The following MACF1 variants were observed in gnomAD, a reference collection of about 807,000 sequenced individuals.
MACF1 encodes microtubule actin crosslinking factor 1, also known as microtubule-actin cross-linking factor 1.
A neutral mutation model predicts 854.8 loss-of-function variants in MACF1; 193 were observed. The ratio of observed to expected loss-of-function variants is 0.23; its 90% CI spans 0.20 to 0.25. The LOEUF (loss-of-function observed/expected upper bound fraction) is 0.25, where lower values mean the gene tolerates loss of function less well. MACF1 is among the 10% of genes least tolerant of loss of function. MACF1 has a pLI of 1.00. For synonymous variants in MACF1, 3,185 were observed against 3,226.7 expected, an observed-to-expected ratio of 0.99 and a Z score of 0.44; for missense variants, 7,722 against 8,929.1, an observed-to-expected ratio of 0.86 and a Z score of 5.45.
At chr1:39,184,288 G>A (rs754728512) in intron 2 of MACF1, among the ~76,000 whole-genome samples, 5 of 152,128 alleles carry the variant, frequency 3.3e-5, no homozygotes, top group Non-Finnish European at 4.4e-5. Flanking sequence ...TTCCTGCACT[G>A]TGTGCCTCAG....
intron 2 of MACF1, among the ~76,000 whole-genome samples, chr1:39,164,246 C>T (rs1399114223): frequency 6.6e-6 from 1 of 152,152 alleles, no homozygotes; most frequent in African/African-American, 2.4e-5. Context: ...TGGATTTCCA[C>T]AAGTGGAATC....
chr1:39,171,251 C>T (rs1006957406), intron 2 of MACF1, among the ~76,000 whole-genome samples: 1 of 150,454 alleles, frequency 6.6e-6, no homozygotes, highest in African/African-American at 2.4e-5. Flanking sequence ...ATTTTTCTCC[C>T]GATCCAGTTT....
In MACF1 at chr1:39,292,012, A is replaced by G. The variant is rs1279344772; in HGVS notation, c.1888A>G (p.Ser630Gly). The change falls in exon 16 of 101, where the codon AGT becomes GGT. Residue 630 changes from serine to glycine, a missense_variant. Transcript: ENST00000564288. ...IHTSVEELGS[S>G]VKEARLYEGK... Reference sequence around the variant, plus strand: ...TACGAGTGTAGAAGAGCTGGGCTCAAGTGTCAAGGAGGCCAGGTTGTATGA... The same window carrying G: ...TACGAGTGTAGAAGAGCTGGGCTCAGGTGTCAAGGAGGCCAGGTTGTATGA... 1 of 1,614,088 alleles carries G rather than the reference A, an allele frequency of 6.2e-7. No individual in the cohort carries two copies. Among genetic ancestry groups the G allele is most frequent in the South Asian group, 1.1e-5 (1 of 91,082 alleles).
rs760643993 is a variant in MACF1 at position 39,358,819 on chromosome 1, A to G, written c.12066A>G (p.Ser4022=). The G allele has an allele frequency of 5.0e-6, 8 of 1,613,516 alleles. No homozygotes were observed. Among genetic ancestry groups the G allele is most frequent in the Non-Finnish European group, 6.8e-6 (8 of 1,179,920 alleles). Residue 4022 remains serine, a synonymous_variant, in exon 46 of 101, where the codon TCA becomes TCG. Coordinates refer to ENST00000564288, the MANE Select transcript of MACF1 (RefSeq NM_001394062.1). ...ACEANVEKLL[S]DTVASDPGVL... is the part of the protein sequence containing the mutation. The stretch of plus-strand genomic sequence containing the variant: ...AGGCCAACGTGGAGAAGCTCCTCTC[A>G]GATACTGTTGCCTCTGACCCTGGAG...
At chr1:39,142,998 G>A (rs1044138110) in intron 2 of MACF1, among the ~76,000 whole-genome samples, 2 of 152,186 alleles carry the variant, frequency 1.3e-5, no homozygotes, top group African/African-American at 2.4e-5. Context: ...GTGAGCAAAG[G>A]AAGGCGGTGA....
intron 2 of MACF1, among the ~76,000 whole-genome samples, chr1:39,153,566 G>A (rs1386453862): frequency 1.3e-5 from 2 of 152,210 alleles, no homozygotes; most frequent in Non-Finnish European, 2.9e-5. Flanking sequence ...TTGTTGGGCC[G>A]TGAAGCATAG....
intron 46 of MACF1, 116 bp downstream of exon 46, chr1:39,358,989 G>C (rs1387243864): frequency 7.1e-7 from 1 of 1,415,536 alleles, no homozygotes; most frequent in Admixed American, 2.3e-5. Flanking sequence ...GGATGCCTTG[G>C]ACAAGATCTG....
chr1:39,128,162 C>A (rs1642909038), intron 2 of MACF1, among the ~76,000 whole-genome samples: 1 of 151,974 alleles, frequency 6.6e-6, no homozygotes, highest in Admixed American at 6.6e-5. Context: ...GACTCATGAG[C>A]CTTACCTCTT....
chr1:39,182,983 A>G (rs920853693), intron 2 of MACF1, among the ~76,000 whole-genome samples: 1 of 152,234 alleles, frequency 6.6e-6, no homozygotes, highest in Admixed American at 6.5e-5. Context: ...ATGGATAAAC[A>G]CACTGTGGCA....
chr1:39,427,714 G>T, intron 62 of MACF1, 100 bp downstream of exon 62: 2 of 1,260,300 alleles, frequency 1.6e-6, no homozygotes, highest in Non-Finnish European at 2.2e-6. Context: ...GTGTTTTGTG[G>T]GTTTAACTTA....
At chr1:39,270,094 T>C (rs895731031) in intron 6 of MACF1, among the ~76,000 whole-genome samples, 1 of 152,188 alleles carries the variant, frequency 6.6e-6, no homozygotes, top group South Asian at 2.1e-4. Context: ...AGGGCCTAAC[T>C]GAATCTCTGG....
rs566064791 is a variant in MACF1, at chr1:39,289,294, G to C, written c.1785+1732G>C. ...GGATCATACAGTAGCTCTATTGTTA[G>C]TGATTTGAGGAACCTCCAAACTGTT... On this transcript the variant is annotated intron_variant, in intron 15 of 100. Transcript: ENST00000564288. 1.1e-3 allele frequency among the ~76,000 whole-genome samples: 171 copies of C among 152,286 alleles called. 1 individual carries two copies. In the South Asian group the frequency reaches 0.013, roughly 11 times the overall value.
In MACF1 at chr1:39,444,627, C is replaced by T. The variant is rs148361821; in HGVS notation, c.19432-35C>T. On this transcript the variant is annotated intron_variant, in intron 79 of 100. Transcript: ENST00000564288. ...ATATGTAGGTGTCTTCCAGAGAATT[C>T]GTAGAATTGATATCTTTCCTGCCTT... 4.4e-4 allele frequency: 687 copies of T among 1,577,582 alleles called. 1 individual carries two copies. Among genetic ancestry groups the T allele is most frequent in the Non-Finnish European group, 5.7e-4 (660 of 1,155,806 alleles).
rs773953982 is a variant in MACF1, at chr1:39,317,318, A to G, written c.3693A>G (p.Pro1231=). ...CAGAGCAGATGAGTCGTCTGACACCAGAGCGAAATCTGGATTTGGAGCGCT... is the reference window on the plus strand; with the variant it reads ...CAGAGCAGATGAGTCGTCTGACACCGGAGCGAAATCTGGATTTGGAGCGCT... ...VVAEQMSRLT[P]ERNLDLERYQ... is the part of the protein sequence containing the mutation. Residue 1231 remains proline (P), a synonymous_variant, in exon 29 of 101, where the codon CCA becomes CCG. Coordinates refer to ENST00000564288, the MANE Select transcript of MACF1 (RefSeq NM_001394062.1). 8.1e-6 allele frequency: 13 copies of G among 1,614,010 alleles called. No individual in the cohort carries two copies. In the South Asian group the frequency reaches 1.1e-4, roughly 14 times the overall value.
rs1271754950 is a variant in MACF1 at position 39,283,135 on chromosome 1, T to C, written c.696-54T>C. On this transcript the variant is annotated intron_variant, in intron 7 of 100. Coordinates refer to ENST00000564288, the MANE Select transcript of MACF1 (RefSeq NM_001394062.1). The surrounding 1 kb of genome is among the most constrained non-coding windows in gnomAD (Gnocchi z 4.5). ...TTCAGGAGGTTTTCTTTGTGTAAAC[T>C]CATGTGTGATGTGTAGATGGTGGCG... The C allele has an allele frequency of 1.7e-5, 19 of 1,105,664 alleles. No individual in the cohort carries two copies. The Admixed American group carries it at 3.4e-4, about 20-fold the overall frequency. The allele number at this position is 1,105,664 out of a possible 1,614,324, so 68.5% of individuals were successfully genotyped here.
intron 97 of MACF1, among the ~76,000 whole-genome samples, chr1:39,473,547 C>A (rs1644817439): frequency 6.6e-6 from 1 of 152,196 alleles, no homozygotes; most frequent in Admixed American, 6.5e-5. Flanking sequence ...GAGCCGGTCA[C>A]ACAGCGAGAG....
Position 39,380,545 on chromosome 1 carries a change from A to T in MACF1, c.13648+172A>T, listed in dbSNP as rs150162762. Among the ~76,000 whole-genome samples, 7 of 152,312 alleles carry T rather than the reference A, an allele frequency of 4.6e-5. No individual in the cohort carries two copies. In the East Asian group the frequency reaches 1.4e-3, roughly 29 times the overall value. ...AGCCTGAATTGGGAAGAAAATTAGA[A>T]ATTCCACTCAAAAAGTCAGAAGTTT... On this transcript the variant is annotated intron_variant, in intron 55 of 100. Coordinates refer to ENST00000564288, the MANE Select transcript of MACF1 (RefSeq NM_001394062.1).
chr1:39,374,086 AC>A (rs1461122690), intron 52 of MACF1, among the ~76,000 whole-genome samples: 2 of 151,686 alleles, frequency 1.3e-5, no homozygotes, highest in African/African-American at 4.8e-5. Flanking sequence ...TACTAAAAAT[AC>A]AAAAATTAGC....
chr1:39,102,745 T>G (rs576048453), intron 2 of MACF1: 8 of 702,420 alleles, frequency 1.1e-5, no homozygotes, highest in South Asian at 7.4e-5. Context: ...CATTGCAGCC[T>G]TCTTAGAAAT....
Sources: allele counts gnomAD v4.1 joint callset (sites outside exome capture counted in the v4.1 genomes callset), GRCh38; gene constraint gnomAD v4.1.1; non-coding constraint Gnocchi (gnomAD v3.1); transcripts MANE v1.5; gene names NCBI Gene and HGNC (gene_info 2026-07-23, HGNC 2026-07-21).